The following PDE2A variants were observed in gnomAD, a reference collection of about 807,000 sequenced individuals.
PDE2A encodes cGMP-dependent 3',5'-cyclic phosphodiesterase.
In PDE2A, 53 loss-of-function variants were observed where a neutral mutation model predicts 133.6. That is an observed-to-expected ratio of 0.40 (90% CI 0.32 to 0.50). The LOEUF (loss-of-function observed/expected upper bound fraction) is 0.50. PDE2A is among the 20% of genes least tolerant of loss of function. PDE2A has a pLI of 0.73. For missense variants in PDE2A, 796 were observed against 1,232.4 expected (o/e 0.65, Z 5.30); for synonymous variants, 491 against 490.2 (o/e 1.00, Z -0.02).
In PDE2A at chr11:72,589,902, C is replaced by T; in HGVS notation, c.831+5G>A. 2.5e-6 allele frequency: 4 copies of T among 1,612,768 alleles called. No individual in the cohort carries two copies. Among genetic ancestry groups the T allele is most frequent in the Middle Eastern group, 1.7e-4 (1 of 6,060 alleles). On this transcript the variant is annotated splice_donor_5th_base_variant and intron_variant, in intron 10 of 30. Coordinates refer to ENST00000334456, the MANE Select transcript of PDE2A (RefSeq NM_002599.5). ...CCCCGCTCTACAGTGGACCTGGGCCCTCACCTTGCAAGAAAGCTGGAGATT... is the reference window on the plus strand; with the variant it reads ...CCCCGCTCTACAGTGGACCTGGGCCTTCACCTTGCAAGAAAGCTGGAGATT...
chr11:72,585,114 GT>G (rs5792596), intron 16 of PDE2A, 170 bp from the exon 17 acceptor site: 209,196 of 512,216 alleles, frequency 0.41, 7,709 homozygotes, highest in South Asian at 0.43. Flanking sequence ...CAAGTGTTTT[GT>G]TTTTTTTTTT....
intron 13 of PDE2A, among the ~76,000 whole-genome samples, chr11:72,586,712 A>G (rs1331566346): frequency 6.6e-6 from 1 of 152,152 alleles, no homozygotes; most frequent in African/African-American, 2.4e-5. Context: ...ACGTCATTCA[A>G]TCTGGCCACC....
At chr11:72,616,098 A>G (rs551010365) in intron 2 of PDE2A, among the ~76,000 whole-genome samples, 3 of 152,314 alleles carry the variant, frequency 2.0e-5, no homozygotes. Flanking sequence ...TGGTGGCTCA[A>G]GCAGGAGAGG....
intron 2 of PDE2A, among the ~76,000 whole-genome samples, chr11:72,638,638 G>C (rs1168549361): frequency 6.6e-6 from 1 of 152,126 alleles, no homozygotes; most frequent in South Asian, 2.1e-4. Context: ...GTGCCTGCCT[G>C]GTACACAGCA....
intron 6 of PDE2A, 75 bp downstream of exon 6, chr11:72,596,518 C>CACA: frequency 1.9e-6 from 1 of 533,004 alleles, no homozygotes; most frequent in Non-Finnish European, 3.0e-6. Context: ...ACACACACAC[C>CACA]CTGGACAGGC....
At chr11:72,633,956 C>T (rs1328644819) in intron 2 of PDE2A, among the ~76,000 whole-genome samples, 1 of 152,188 alleles carries the variant, frequency 6.6e-6, no homozygotes, top group African/African-American at 2.4e-5. Context: ...GGCTCTGCCT[C>T]AGCCTACTGT....
At position 72,577,194 on chromosome 11, in the gene PDE2A, T is replaced by G; in HGVS notation, c.*190A>C. On this transcript the variant is annotated 3_prime_UTR_variant, in exon 31 of 31. Transcript: ENST00000334456. ...CAGAAAACAAATTACAAAGTCTCCG[T>G]GAGGTTGGAAGTCTTGCTTCCATTA... The G allele has an allele frequency of 1.7e-6, 1 of 582,082 alleles. No individual in the cohort carries two copies. Among genetic ancestry groups the G allele is most frequent in the Non-Finnish European group, 3.1e-6 (1 of 327,630 alleles). 36.1% of individuals were successfully genotyped at this position (582,082 alleles called of 1,614,324 possible). A position where few individuals can be genotyped will look rare whatever the true frequency, so the allele number is the denominator to read the frequency against.
chr11:72,592,882 G>A (rs1457806043), intron 6 of PDE2A, among the ~76,000 whole-genome samples: 7 of 152,136 alleles, frequency 4.6e-5, no homozygotes, highest in East Asian at 1.9e-4. Context: ...ACAGGACAGC[G>A]GGGGCGGGAG....
chr11:72,622,689 G>A (rs999035956), intron 2 of PDE2A, among the ~76,000 whole-genome samples: 3 of 152,204 alleles, frequency 2.0e-5, no homozygotes, highest in Non-Finnish European at 4.4e-5. Context: ...GCCAGGAGCT[G>A]GAGACAGAGG....
At chr11:72,585,955 T>A (rs368123937) in intron 14 of PDE2A, 115 bp downstream of exon 14, 2 of 708,260 alleles carry the variant, frequency 2.8e-6, no homozygotes, top group African/African-American at 3.5e-5. Flanking sequence ...TGGAGCCACC[T>A]GGGGAAGGGC....
At chr11:72,606,201 C>A (rs900895052) in intron 3 of PDE2A, among the ~76,000 whole-genome samples, 1 of 151,886 alleles carries the variant, frequency 6.6e-6, no homozygotes, top group South Asian at 2.1e-4. Flanking sequence ...AACTGGCAAC[C>A]CTTCGGGATC....
chr11:72,584,511 G>A (rs770204832), intron 18 of PDE2A, 40 bp downstream of exon 18: 2 of 1,548,416 alleles, frequency 1.3e-6, no homozygotes, highest in Admixed American at 2.0e-5. Flanking sequence ...CGCCCCGCCC[G>A]GCGCAGGCCC....
chr11:72,578,893 C>T lies in PDE2A; in HGVS notation c.2469+4G>A. The T allele has an allele frequency of 6.3e-7, 1 of 1,595,138 alleles. No homozygotes were observed. The highest frequency in any genetic ancestry group is 8.6e-7 in the Non-Finnish European group (1 of 1,162,882). On this transcript the variant is annotated splice_donor_region_variant and intron_variant, in intron 28 of 30. Coordinates refer to ENST00000334456, the MANE Select transcript of PDE2A (RefSeq NM_002599.5). This position sits in a 1 kb window ranked among gnomAD's most constrained non-coding sequence, Gnocchi z 4.2. ...TGTGCCTTCCCAGGGAGGACTACAC[C>T]TACCGCGATCTTTCTCGTAGTCTTC...
intron 2 of PDE2A, among the ~76,000 whole-genome samples, chr11:72,619,052 GCACA>G (rs141623815): frequency 0.016 from 2,420 of 150,616 alleles, 69 homozygotes; most frequent in African/African-American, 0.056. Context: ...CACAGCGTGC[GCACA>G]CACACACACA....
intron 1 of PDE2A, among the ~76,000 whole-genome samples, chr11:72,670,492 C>T (rs1010769791): frequency 9.2e-5 from 14 of 152,180 alleles, no homozygotes; most frequent in Non-Finnish European, 1.8e-4. Context: ...CCCTTTCACA[C>T]GTACAGCCCA....
intron 4 of PDE2A, among the ~76,000 whole-genome samples, chr11:72,604,305 AGGCCTGGCTCTGCCT>A (rs1248771531): frequency 6.6e-6 from 1 of 152,228 alleles, no homozygotes; most frequent in African/African-American, 2.4e-5. Context: ...CCCGAGTCCT[AGGCCTGGCTCTGCCT>A]CATACCTGGC....
intron 1 of PDE2A, among the ~76,000 whole-genome samples, chr11:72,667,869 T>TAAA (rs10636062): frequency 2.0e-3 from 261 of 133,326 alleles, no homozygotes; most frequent in East Asian, 5.3e-3. Context: ...CTGTCTCTAT[T>TAAA]AAAAAAAAAA....
intron 21 of PDE2A, chr11:72,582,218 T>C: frequency 3.3e-6 from 2 of 611,454 alleles, no homozygotes; most frequent in Non-Finnish European, 5.7e-6. Context: ...GCCCTGGGCA[T>C]GGTTGGTCCA....
At chr11:72,642,359 G>A in intron 1 of PDE2A, 33 bp from the exon 2 acceptor site, 11 of 1,498,616 alleles carry the variant, frequency 7.3e-6, no homozygotes, top group Non-Finnish European at 9.8e-6. Context: ...TGAGGATGTG[G>A]TGCAGCACCA....
Sources: allele counts gnomAD v4.1 joint callset (sites outside exome capture counted in the v4.1 genomes callset), GRCh38; gene constraint gnomAD v4.1.1; non-coding constraint Gnocchi (gnomAD v3.1); transcripts MANE v1.5; gene names NCBI Gene and HGNC (gene_info 2026-07-23, HGNC 2026-07-21).